Variants in GRIK4 observed in about 807,000 individuals in gnomAD.
GRIK4 encodes glutamate receptor ionotropic, kainate 4.
A neutral mutation model predicts 104.9 loss-of-function variants in GRIK4; 40 were observed. That is an observed-to-expected ratio of 0.38 (90% CI 0.30 to 0.50). The LOEUF is 0.50. Among genes scored for constraint, GRIK4 ranks in the 20% least tolerant of loss-of-function variants. GRIK4 has a pLI of 0.93. For synonymous variants in GRIK4, 485 were observed against 524.9 expected, an observed-to-expected ratio of 0.92 and a Z score of 1.04; for missense variants, 1,047 against 1,308.1, an observed-to-expected ratio of 0.80 and a Z score of 3.08.
At chr11:120,874,320 G>T (rs773469850) in intron 10 of GRIK4, 102 bp downstream of exon 10, 9 of 918,246 alleles carry the variant, frequency 9.8e-6, no homozygotes, top group Admixed American at 2.3e-5. Context: ...TGCTCGAAAT[G>T]TGTCTGTTAT....
chr11:120,968,157 A>G (rs890696237), intron 19 of GRIK4, among the ~76,000 whole-genome samples: 3 of 152,208 alleles, frequency 2.0e-5, no homozygotes, highest in Admixed American at 2.0e-4. Flanking sequence ...GAAAGCAGTC[A>G]CTTACTGAGA....
At chr11:120,551,772 C>T (rs757328254) in intron 1 of GRIK4, among the ~76,000 whole-genome samples, 1 of 149,832 alleles carries the variant, frequency 6.7e-6, no homozygotes, top group Non-Finnish European at 1.5e-5. Flanking sequence ...CAGAGTGAGA[C>T]TCTGTAAAAT....
intron 3 of GRIK4, among the ~76,000 whole-genome samples, chr11:120,761,342 A>G (rs1332336877): frequency 6.6e-6 from 1 of 151,978 alleles, no homozygotes; most frequent in Non-Finnish European, 1.5e-5. Context: ...TAGATTCTGG[A>G]TATTAGCCTT....
intron 6 of GRIK4, among the ~76,000 whole-genome samples, chr11:120,829,815 A>G (rs1321482638): frequency 6.6e-6 from 1 of 152,190 alleles, no homozygotes; most frequent in Non-Finnish European, 1.5e-5. Flanking sequence ...GCTTGAATCC[A>G]GAGCTTTGGG....
At chr11:120,719,555 T>C (rs1950894375) in intron 3 of GRIK4, among the ~76,000 whole-genome samples, 1 of 152,168 alleles carries the variant, frequency 6.6e-6, no homozygotes, top group Non-Finnish European at 1.5e-5. Flanking sequence ...TGATCTGAGA[T>C]ACAGCCTGTG....
intron 1 of GRIK4, among the ~76,000 whole-genome samples, chr11:120,592,761 A>G (rs2135115381): frequency 6.6e-6 from 1 of 151,936 alleles, no homozygotes; most frequent in South Asian, 2.1e-4. Context: ...TCCCACCCAC[A>G]TGTGCCCCTC....
chr11:120,520,064 TG>T (rs1947778790), intron 1 of GRIK4, among the ~76,000 whole-genome samples: 1 of 151,998 alleles, frequency 6.6e-6, no homozygotes. Context: ...GGCTAATTTT[TG>T]TGTTTTCAGT....
At chr11:120,733,059 T>G (rs1028027470) in intron 3 of GRIK4, among the ~76,000 whole-genome samples, 1 of 152,218 alleles carries the variant, frequency 6.6e-6, no homozygotes, top group Non-Finnish European at 1.5e-5. Context: ...TTATATCCTT[T>G]TGTTGAATTG....
chr11:120,707,037 G>A (rs1270405407), intron 3 of GRIK4, among the ~76,000 whole-genome samples: 1 of 152,178 alleles, frequency 6.6e-6, no homozygotes, highest in Non-Finnish European at 1.5e-5. Flanking sequence ...GAGCTCCTGG[G>A]ACAACCACAC....
At chr11:120,722,424 C>T (rs1005783198) in intron 3 of GRIK4, among the ~76,000 whole-genome samples, 5 of 152,094 alleles carry the variant, frequency 3.3e-5, no homozygotes, top group Non-Finnish European at 5.9e-5. Context: ...TTCTGACCAA[C>T]ATGGTAAAAC....
intron 4 of GRIK4, 101 bp downstream of exon 4, chr11:120,802,958 G>C (rs915420954): frequency 2.0e-6 from 2 of 1,013,470 alleles, no homozygotes; most frequent in Admixed American, 2.1e-5. Flanking sequence ...TGAGATATCT[G>C]ATGTCGATAT....
chr11:120,884,454 C>A (rs529464070), intron 11 of GRIK4, among the ~76,000 whole-genome samples: 1 of 152,250 alleles, frequency 6.6e-6, no homozygotes, highest in African/African-American at 2.4e-5. Flanking sequence ...GCTGTAACCA[C>A]GCAAAGACCG....
intron 1 of GRIK4, among the ~76,000 whole-genome samples, chr11:120,627,449 G>A (rs537216051): frequency 3.9e-5 from 6 of 152,162 alleles, no homozygotes; most frequent in African/African-American, 1.2e-4. Context: ...GAGTCTCTGC[G>A]TGCCTCTCTG....
At position 120,883,346 on chromosome 11, in the gene GRIK4, TC is replaced by T. The variant is rs1440660343; in HGVS notation, c.1164+8107del. Among the ~76,000 whole-genome samples the T allele has an allele frequency of 2.0e-5, 3 of 152,280 alleles. No individual in the cohort carries two copies. In the East Asian group the frequency reaches 5.8e-4, roughly 29 times the overall value. On this transcript the variant is annotated intron_variant, in intron 11 of 20. Transcript: ENST00000527524. ...CAAGAGAGATTTCCTATGACAAACC[TC>T]CCCGCTGACAACTGGAATTTGAAAA...
intron 3 of GRIK4, among the ~76,000 whole-genome samples, chr11:120,714,397 ATTTTT>A (rs1006371035): frequency 6.6e-6 from 1 of 151,978 alleles, no homozygotes; most frequent in Non-Finnish European, 1.5e-5. Flanking sequence ...CGCGCTATTT[ATTTTT>A]TCTTTCAGCA....
chr11:120,605,172 A>T (rs1042558098), intron 1 of GRIK4, among the ~76,000 whole-genome samples: 1 of 152,180 alleles, frequency 6.6e-6, no homozygotes, highest in Non-Finnish European at 1.5e-5. Flanking sequence ...TCCAAGTGAT[A>T]CTGATGACTG....
At chr11:120,823,910 G>A (rs1347268172) in intron 6 of GRIK4, among the ~76,000 whole-genome samples, 4 of 152,224 alleles carry the variant, frequency 2.6e-5, no homozygotes, top group Admixed American at 2.6e-4. Context: ...AGCAGGGAAG[G>A]TGGAGCAGAG....
At chr11:120,592,743 G>T (rs926090378) in intron 1 of GRIK4, among the ~76,000 whole-genome samples, 1 of 152,020 alleles carries the variant, frequency 6.6e-6, no homozygotes, top group Non-Finnish European at 1.5e-5. Flanking sequence ...CTGCAAGCCC[G>T]CCTGACCTCC....
chr11:120,777,525 G>A lies in GRIK4; in HGVS notation c.83-25168G>A, dbSNP rs188518335. ...GCCCGGCACGGGGTTGGGGCTGGGG[G>A]CACAGCAGTAAACAAAACAGACACA... On this transcript the variant is annotated intron_variant, in intron 3 of 20. Transcript: ENST00000527524. 1.5e-4 allele frequency among the ~76,000 whole-genome samples: 23 copies of A among 152,334 alleles called. No homozygotes were observed. The East Asian group carries it at 2.5e-3, about 17-fold the overall frequency.
Sources: allele counts gnomAD v4.1 joint callset (sites outside exome capture counted in the v4.1 genomes callset), GRCh38; gene constraint gnomAD v4.1.1; transcripts MANE v1.5; gene names NCBI Gene and HGNC (gene_info 2026-07-23, HGNC 2026-07-21).